The following BICD1 variants were observed in gnomAD, a reference collection of about 807,000 sequenced individuals.
The protein encoded by BICD1 is protein bicaudal D homolog 1.
Under a neutral mutation model 92.5 loss-of-function variants are expected in BICD1, and 35 were observed. The ratio of observed to expected loss-of-function variants is 0.38; its 90% CI spans 0.29 to 0.50. The LOEUF (loss-of-function observed/expected upper bound fraction) is 0.50. Ranked by LOEUF, BICD1 falls within the 20% of genes least tolerant of loss-of-function variation. The pLI is 0.93. For synonymous variants in BICD1, 429 were observed against 465.1 expected (o/e 0.92, Z 1.00); for missense variants, 950 against 1,189.8 (o/e 0.80, Z 2.97).
At chr12:32,335,761 T>G (rs887080015) in intron 6 of BICD1, among the ~76,000 whole-genome samples, 6 of 151,652 alleles carry the variant, frequency 4.0e-5, no homozygotes, top group East Asian at 3.9e-4. Flanking sequence ...ATTTTTGTGG[T>G]TTTTGTGGAG....
intron 3 of BICD1, among the ~76,000 whole-genome samples, chr12:32,298,028 A>C (rs1027392036): frequency 6.6e-6 from 1 of 151,940 alleles, no homozygotes; most frequent in Admixed American, 6.6e-5. Context: ...CCAACAACAA[A>C]AAAAATTAAC....
At chr12:32,334,414 A>C in intron 5 of BICD1, 102 bp from the exon 6 acceptor site, 1 of 1,215,830 alleles carries the variant, frequency 8.2e-7, no homozygotes. Flanking sequence ...AATCAATTTC[A>C]CTTTCCTTTT....
intron 1 of BICD1, among the ~76,000 whole-genome samples, chr12:32,175,470 C>A (rs1944063694): frequency 6.6e-6 from 1 of 152,080 alleles, no homozygotes; most frequent in Non-Finnish European, 1.5e-5. Flanking sequence ...GTGCACGCCA[C>A]CAAGCCCAGC....
intron 5 of BICD1, among the ~76,000 whole-genome samples, chr12:32,331,591 CCTGAAGGTAATTTT>C (rs1382910461): frequency 6.6e-6 from 1 of 151,984 alleles, no homozygotes; most frequent in South Asian, 2.1e-4. Context: ...ATATACATAG[CCTGAAGGTAATTTT>C]ATACAATTTT....
intron 3 of BICD1, among the ~76,000 whole-genome samples, chr12:32,294,361 G>A (rs1015852965): frequency 2.6e-5 from 4 of 152,044 alleles, no homozygotes; most frequent in Non-Finnish European, 5.9e-5. Flanking sequence ...AAGTTTTATT[G>A]AATAAGAAAA....
intron 4 of BICD1, among the ~76,000 whole-genome samples, chr12:32,312,869 T>G (rs1239023648): frequency 3.3e-5 from 5 of 152,182 alleles, no homozygotes; most frequent in Admixed American, 6.5e-5. Flanking sequence ...ATTATTTTGG[T>G]TTTTTGGTGC....
At chr12:32,338,761 G>A (rs1938235726) in intron 7 of BICD1, 25 bp from the exon 8 acceptor site, 1 of 1,555,022 alleles carries the variant, frequency 6.4e-7, no homozygotes, top group African/African-American at 1.4e-5. Flanking sequence ...TTTCCTATAT[G>A]TATTTTTCTT....
At chr12:32,231,446 G>A (rs1028672536) in intron 2 of BICD1, among the ~76,000 whole-genome samples, 2 of 152,044 alleles carry the variant, frequency 1.3e-5, no homozygotes, top group East Asian at 3.9e-4. Flanking sequence ...ACAAGACCCT[G>A]CCCCCTACCC....
At chr12:32,197,398 T>C (rs1412490483) in intron 1 of BICD1, among the ~76,000 whole-genome samples, 1 of 152,142 alleles carries the variant, frequency 6.6e-6, no homozygotes, top group Non-Finnish European at 1.5e-5. Flanking sequence ...GGGTTATGAG[T>C]TGGGGTGGAA....
At chr12:32,206,545 G>A (rs1399517527) in intron 1 of BICD1, among the ~76,000 whole-genome samples, 1 of 152,222 alleles carries the variant, frequency 6.6e-6, no homozygotes, top group Non-Finnish European at 1.5e-5. Context: ...GATGGAGGTT[G>A]CAGTGAGCCG....
At chr12:32,256,209 T>C (rs1000193441) in intron 2 of BICD1, among the ~76,000 whole-genome samples, 7 of 152,134 alleles carry the variant, frequency 4.6e-5, no homozygotes, top group African/African-American at 1.7e-4. Flanking sequence ...TGCACTACCA[T>C]GCCCAGCTAA....
Position 32,274,658 on chromosome 12 carries a change from C to T in BICD1, c.427-19336C>T, listed in dbSNP as rs543857482. 7.9e-5 allele frequency among the ~76,000 whole-genome samples: 12 copies of T among 152,214 alleles called. No individual in the cohort carries two copies. In the South Asian group the frequency reaches 2.5e-3, roughly 32 times the overall value. ...TTGTTATTTTACACAGAAAGGGAAA[C>T]TATGACCTAAAGACAGAGATAACAA... On this transcript the variant is annotated intron_variant, in intron 2 of 9. Transcript: ENST00000652176.
chr12:32,211,682 A>G (rs1002303674), intron 1 of BICD1, among the ~76,000 whole-genome samples: 1 of 147,930 alleles, frequency 6.8e-6, no homozygotes, highest in African/African-American at 2.5e-5. Context: ...TTTCCTGTAC[A>G]TAGAAATGGG....
intron 9 of BICD1, 106 bp from the exon 10 acceptor site, chr12:32,377,434 G>C (rs1380585285): frequency 3.4e-6 from 3 of 886,364 alleles, no homozygotes; most frequent in African/African-American, 3.3e-5. Flanking sequence ...GCAGATTTCT[G>C]TTCTTGTTCT....
intron 1 of BICD1, among the ~76,000 whole-genome samples, chr12:32,122,817 C>T (rs1316489862): frequency 1.3e-5 from 2 of 152,122 alleles, no homozygotes; most frequent in African/African-American, 2.4e-5. Flanking sequence ...CAATGCCAAG[C>T]GAAAAAATCT....
At chr12:32,247,034 A>G (rs1946407048) in intron 2 of BICD1, among the ~76,000 whole-genome samples, 1 of 151,910 alleles carries the variant, frequency 6.6e-6, no homozygotes, top group Non-Finnish European at 1.5e-5. Context: ...AGGTGGGTGG[A>G]TCCCTTGAGT....
intron 3 of BICD1, among the ~76,000 whole-genome samples, chr12:32,297,147 G>A (rs1221469864): frequency 6.6e-6 from 1 of 152,144 alleles, no homozygotes; most frequent in Non-Finnish European, 1.5e-5. Flanking sequence ...AGTAGTAACT[G>A]ATCTTTCTTT....
intron 1 of BICD1, among the ~76,000 whole-genome samples, chr12:32,182,803 A>G (rs1944313215): frequency 1.3e-5 from 2 of 151,076 alleles, no homozygotes; most frequent in South Asian, 4.2e-4. Flanking sequence ...GTTACAATTT[A>G]TCATGAAATT....
At chr12:32,178,262 A>T (rs1201325486) in intron 1 of BICD1, among the ~76,000 whole-genome samples, 2 of 151,992 alleles carry the variant, frequency 1.3e-5, no homozygotes, top group Non-Finnish European at 2.9e-5. Context: ...TGAAGAGATC[A>T]CCGTTGAACA....
Sources: allele counts gnomAD v4.1 joint callset (sites outside exome capture counted in the v4.1 genomes callset), GRCh38; gene constraint gnomAD v4.1.1; transcripts MANE v1.5; gene names NCBI Gene and HGNC (gene_info 2026-07-23, HGNC 2026-07-21).